The following MAD2L1 variants were observed in gnomAD, a reference collection of about 807,000 sequenced individuals.
MAD2L1 encodes the protein mitotic spindle assembly checkpoint protein MAD2A.
Under a neutral mutation model 25.9 loss-of-function variants are expected in MAD2L1, and 10 were observed. The observed-to-expected ratio is 0.39, with a 90% confidence interval of 0.24 to 0.66. The LOEUF is 0.66. MAD2L1 is among the 30% of genes least tolerant of loss of function. The pLI is 0.49. For missense variants in MAD2L1, 180 were observed against 246.4 expected, an observed-to-expected ratio of 0.73 and a Z score of 1.80; for synonymous variants, 81 against 91.8, an observed-to-expected ratio of 0.88 and a Z score of 0.67.
At chr4:120,066,619 C>T (rs1384634717) in intron 1 of MAD2L1, 43 bp downstream of exon 1, 2 of 1,562,128 alleles carry the variant, frequency 1.3e-6, no homozygotes, top group Admixed American at 3.5e-5. Context: ...TGAGCCGTCA[C>T]GACTCCGTTC....
Position 120,058,312 on chromosome 4 carries a change from G to A in MAD2L1, c.*1806C>T, listed in dbSNP as rs1726144224. 6.6e-6 allele frequency: 1 copy of A among 152,128 alleles called. No individual in the cohort carries two copies. Among genetic ancestry groups the A allele is most frequent in the African/African-American group, 2.4e-5 (1 of 41,420 alleles). 9.4% of individuals were successfully genotyped at this position (152,128 alleles called of 1,614,324 possible). On this transcript the variant is annotated 3_prime_UTR_variant, in exon 5 of 5. Transcript: ENST00000296509. Reference sequence around the variant, plus strand: ...TTAATATTGGTAGCTGAGTTGAAATGACCAGAGTATACACACAACCTTTAA... The same window carrying A: ...TTAATATTGGTAGCTGAGTTGAAATAACCAGAGTATACACACAACCTTTAA...
At chr4:120,062,806 C>T (rs1158955139) in intron 2 of MAD2L1, among the ~76,000 whole-genome samples, 1 of 152,096 alleles carries the variant, frequency 6.6e-6, no homozygotes, top group South Asian at 2.1e-4. Context: ...AGCCGTGATA[C>T]GGAAAGTGGA....
At chr4:120,062,365 C>T (rs1726236108) in intron 2 of MAD2L1, among the ~76,000 whole-genome samples, 1 of 152,078 alleles carries the variant, frequency 6.6e-6, no homozygotes, top group African/African-American at 2.4e-5. Flanking sequence ...AGGAGATGGG[C>T]ATTAATCTAC....
chr4:120,065,909 GGCTATACA>G, intron 1 of MAD2L1, 91 bp from the exon 2 acceptor site: 1 of 1,308,660 alleles, frequency 7.6e-7, no homozygotes, highest in Non-Finnish European at 1.1e-6. Context: ...ATTTTCATTA[GGCTATACA>G]GCTATAAATG....
intron 2 of MAD2L1, among the ~76,000 whole-genome samples, chr4:120,063,275 T>C (rs1012367688): frequency 1.3e-5 from 2 of 152,158 alleles, no homozygotes; most frequent in African/African-American, 2.4e-5. Flanking sequence ...ATAGAGAAAT[T>C]ATAAACACAG....
intron 4 of MAD2L1, among the ~76,000 whole-genome samples, 193 bp from the exon 5 acceptor site, chr4:120,060,483 T>C (rs9999978): frequency 0.049 from 7,488 of 152,278 alleles, 204 homozygotes; most frequent in African/African-American, 0.067. Context: ...TTCCGTGCAA[T>C]TTAGTGATTG....
chr4:120,066,315 G>A (rs1217386573), intron 1 of MAD2L1, among the ~76,000 whole-genome samples: 1 of 151,974 alleles, frequency 6.6e-6, no homozygotes, highest in East Asian at 1.9e-4. Context: ...ATCACTTTGA[G>A]TGGGAGGGTG....
intron 2 of MAD2L1, among the ~76,000 whole-genome samples, chr4:120,063,807 C>T (rs564736134): frequency 2.0e-5 from 3 of 152,178 alleles, no homozygotes; most frequent in East Asian, 1.9e-4. Context: ...GTCAGGAGTT[C>T]GACACCAGCC....
Position 120,060,143 on chromosome 4 carries a change from G to A in MAD2L1, c.593C>T (p.Ala198Val). Residue 198 changes from alanine (A) to valine (V), a missense_variant, in exon 5 of 5, where the codon GCC (alanine) becomes GTC (valine). By Grantham distance (64) the Ala-to-Val change is moderately conservative. Transcript: ENST00000296509. ...TTIHKVNSMV[A>V]YKIPVND ...TCAGTCATTGACAGGAATTTTGTAG[G>A]CCACCATGCTATTTACTTTGTGGAT... The A allele has an allele frequency of 6.2e-7, 1 of 1,600,166 alleles. No homozygotes were observed. The highest frequency in any genetic ancestry group is 8.5e-7 in the Non-Finnish European group (1 of 1,171,732).
rs991405386 is a variant in MAD2L1 at position 120,056,131 on chromosome 4, T to C, written c.*3987A>G. On this transcript the variant is annotated 3_prime_UTR_variant, in exon 5 of 5. Transcript: ENST00000296509. Reference sequence around the variant, plus strand: ...GATAGAAGGAAGAGATCACCTAAACTTCAAAAACCACAATACAATTTGCAT... The same window carrying C: ...GATAGAAGGAAGAGATCACCTAAACCTCAAAAACCACAATACAATTTGCAT... 20 of 152,118 alleles carry C rather than the reference T, an allele frequency of 1.3e-4. No homozygotes were observed. Among genetic ancestry groups the C allele is most frequent in the African/African-American group, 4.8e-4 (20 of 41,430 alleles). 9.4% of individuals were successfully genotyped at this position (152,118 alleles called of 1,614,324 possible).
Position 120,066,690 on chromosome 4 carries a change from C to T in MAD2L1, c.45G>A (p.Gly15=), listed in dbSNP as rs764048695. The change falls in exon 1 of 5, where the codon GGG becomes GGA. Residue 15 remains glycine, a synonymous_variant. Transcript: ENST00000296509. The part of the protein sequence containing the change: ...LSREQGITLR[G]SAEIVAEFFS... ...AGAACTCGGCCACGATTTCGGCGCT[C>T]CCGCGCAGGGTGATTCCCTGCTCCC... is the stretch of plus-strand genomic sequence containing the variant. 1.2e-5 allele frequency: 19 copies of T among 1,604,442 alleles called. No homozygotes were observed. Among genetic ancestry groups the T allele is most frequent in the Non-Finnish European group, 1.3e-5 (15 of 1,173,570 alleles).
chr4:120,061,463 A>G (rs1726215899), intron 3 of MAD2L1, among the ~76,000 whole-genome samples: 1 of 152,198 alleles, frequency 6.6e-6, no homozygotes, highest in Non-Finnish European at 1.5e-5. Flanking sequence ...TTCAGAAGCA[A>G]ACTACATTTC....
rs1337129478 is a variant in MAD2L1 at position 120,065,733 on chromosome 4, CA to C, written c.158del (p.Leu53CysfsTer3). 8.7e-6 allele frequency: 14 copies of C among 1,613,670 alleles called. No individual in the cohort carries two copies. Among genetic ancestry groups the C allele is most frequent in the Non-Finnish European group, 1.1e-5 (13 of 1,179,816 alleles). ...TGAGCTCAAGATCAGTAGTTACAAG[CA>C]AGGTGAGTCCGTATTTCTGCACTCG... Reference protein sequence around the residue: ...FTRVQKYGLTLLVTTDLELIK... With the variant: ...FTRVQKYGLTXLVTTDLELIK... On this transcript the variant is annotated frameshift_variant, in exon 2 of 5. Coordinates refer to ENST00000296509, the MANE Select transcript of MAD2L1 (RefSeq NM_002358.4). LOFTEE classifies it high-confidence loss of function.
At chr4:120,060,351 G>T in intron 4 of MAD2L1, 61 bp from the exon 5 acceptor site, 2 of 1,351,964 alleles carry the variant, frequency 1.5e-6, no homozygotes, top group South Asian at 1.6e-5. Flanking sequence ...TAATCTTGCT[G>T]CCTCTCTTCT....
intron 3 of MAD2L1, 80 bp downstream of exon 3, chr4:120,061,890 TCAATA>T: frequency 4.7e-6 from 5 of 1,053,818 alleles, no homozygotes; most frequent in East Asian, 5.4e-5. Context: ...TAAAACTAGT[TCAATA>T]CAATTAGAAC....
At chr4:120,065,534 T>C (rs930585465) in intron 2 of MAD2L1, 138 bp downstream of exon 2, 17 of 696,352 alleles carry the variant, frequency 2.4e-5, no homozygotes, top group Middle Eastern at 4.3e-4. Flanking sequence ...ATTTCTTCCA[T>C]TTTATATATT....
At chr4:120,062,471 C>G (rs1033164772) in intron 2 of MAD2L1, among the ~76,000 whole-genome samples, 2 of 152,102 alleles carry the variant, frequency 1.3e-5, no homozygotes, top group Non-Finnish European at 2.9e-5. Context: ...AAAATTTGAG[C>G]CACTCAGGGA....
chr4:120,060,012 CA>C lies in MAD2L1; in HGVS notation c.*105del. 1 of 1,024,192 alleles carries C rather than the reference CA, an allele frequency of 9.8e-7. No homozygotes were observed. The highest frequency in any genetic ancestry group is 2.4e-5 in the East Asian group (1 of 41,122). 63.4% of individuals were successfully genotyped at this position (1,024,192 alleles called of 1,614,324 possible). ...CAGTAAGTATCATTTTGGTTTTCTCCATGTAAAAATTAACCAATGAAATAAA... is the reference window on the plus strand; with the variant it reads ...CAGTAAGTATCATTTTGGTTTTCTCCTGTAAAAATTAACCAATGAAATAAA... On this transcript the variant is annotated 3_prime_UTR_variant, in exon 5 of 5. Transcript: ENST00000296509.
Position 120,060,224 on chromosome 4 carries a change from C to T in MAD2L1, c.512G>A (p.Gly171Glu). 1 of 1,613,006 alleles carries T rather than the reference C, an allele frequency of 6.2e-7. No individual in the cohort carries two copies. The highest frequency in any genetic ancestry group is 8.5e-7 in the Non-Finnish European group (1 of 1,179,384). Reference protein sequence around the residue: ...LVVPEKWEESGPQFITNSEEV... With the variant: ...LVVPEKWEESEPQFITNSEEV... ...CTCAGAATTGGTAATAAACTGTGGT[C>T]CCGACTCTTCCCATTTTTCAGGTAC... Residue 171 changes from glycine to glutamate, a missense_variant, in exon 5 of 5, where the codon GGA becomes GAA. Physicochemically the swap from Gly to Glu is moderately conservative, Grantham distance 98. Transcript: ENST00000296509.
Sources: gnomAD v4.1 joint callset for allele counts (sites outside exome capture counted in the v4.1 genomes callset) on GRCh38, gnomAD v4.1.1 for gene constraint, MANE v1.5 for transcripts, NCBI Gene and HGNC (gene_info 2026-07-23, HGNC 2026-07-21) for gene names.